The following RALGAPB variants were observed in gnomAD, a reference collection of about 807,000 sequenced individuals.
The protein encoded by RALGAPB is Ral GTPase activating protein non-catalytic subunit beta.
RALGAPB carries 25 observed loss-of-function variants against 161.1 expected under a neutral mutation model. The observed-to-expected ratio is 0.16, with a 90% CI of 0.11 to 0.22. The LOEUF (loss-of-function observed/expected upper bound fraction) is 0.22. RALGAPB is among the 10% of genes least tolerant of loss of function. The pLI is 1.00. For synonymous variants in RALGAPB, 629 were observed against 626.1 expected (o/e 1.00, Z -0.07); for missense variants, 1,391 against 1,815.2 (o/e 0.77, Z 4.25).
In RALGAPB at chr20:38,484,647, A is replaced by T. The variant is rs1414296409; in HGVS notation, c.-30-3756A>T. ...TCTGTGTCTCTTCAAAAATTGGATT[A>T]TCTGGCAAGTCTAGGTCTGCATTCC... On this transcript the variant is annotated intron_variant, in intron 1 of 29. Coordinates refer to ENST00000262879, the MANE Select transcript of RALGAPB (RefSeq NM_020336.4). Among the ~76,000 whole-genome samples the T allele has an allele frequency of 2.0e-5, 3 of 152,200 alleles. No individual in the cohort carries two copies. In the East Asian group the frequency reaches 5.8e-4, roughly 29 times the overall value.
Position 38,535,317 on chromosome 20 carries a change from A to G in RALGAPB, c.2379+110A>G, listed in dbSNP as rs1048722637. The G allele has an allele frequency of 8.5e-6, 11 of 1,287,120 alleles. No homozygotes were observed. The African/African-American group carries it at 1.6e-4, about 19-fold the overall frequency. 79.7% of individuals were successfully genotyped at this position (1,287,120 alleles called of 1,614,324 possible). On this transcript the variant is annotated intron_variant, in intron 16 of 29. Transcript: ENST00000262879. ...ATTTTAGTGTTGATCATGCTCAAAC[A>G]TAGTTTATATTATATCCAAAGTGTA...
rs367760748 is a variant in RALGAPB at position 38,513,510 on chromosome 20, A to C, written c.873-2682A>C. On this transcript the variant is annotated intron_variant, in intron 6 of 29. Coordinates refer to ENST00000262879, the MANE Select transcript of RALGAPB (RefSeq NM_020336.4). ...GGGGAAGCAAAAAACAAATTAGCTGAGTATAGTGGTGCACCTGTAATCCTA... is the reference window on the plus strand; with the variant it reads ...GGGGAAGCAAAAAACAAATTAGCTGCGTATAGTGGTGCACCTGTAATCCTA... Among the ~76,000 whole-genome samples the C allele has an allele frequency of 1.6e-3, 243 of 151,788 alleles. 2 individuals carry two copies. Among genetic ancestry groups the C allele is most frequent in the African/African-American group, 5.6e-3 (233 of 41,392 alleles).
At chr20:38,510,924 AAAG>A (rs1421309978) in intron 6 of RALGAPB, among the ~76,000 whole-genome samples, 1 of 120,040 alleles carries the variant, frequency 8.3e-6, no homozygotes, top group Non-Finnish European at 1.5e-5. Flanking sequence ...AAAAAAAAAA[AAAG>A]AAAATCTTTT....
chr20:38,548,571 C>G (rs1009313410), intron 19 of RALGAPB, 118 bp from the exon 20 acceptor site: 17 of 790,016 alleles, frequency 2.2e-5, no homozygotes, highest in Non-Finnish European at 3.0e-5. Flanking sequence ...CACAAAAGAT[C>G]AAAGCTTAGG....
Position 38,493,152 on chromosome 20 carries a change from C to A in RALGAPB, c.389+20C>A. 1 of 1,552,474 alleles carries A rather than the reference C, an allele frequency of 6.4e-7. No homozygotes were observed. Among genetic ancestry groups the A allele is most frequent in the Non-Finnish European group, 8.9e-7 (1 of 1,128,916 alleles). On this transcript the variant is annotated intron_variant, in intron 3 of 29. Transcript: ENST00000262879. ...ACCAAGGTAAGCTATACCTGTCTAT[C>A]TGGCCCATTATCAGGGTCATAGTAA...
At chr20:38,548,096 G>A (rs576423887) in intron 19 of RALGAPB, 1 of 152,230 alleles carries the variant, frequency 6.6e-6, no homozygotes, top group African/African-American at 2.4e-5. Context: ...CCATATCTGA[G>A]ACGGAAGAAT....
At chr20:38,487,894 C>T (rs545726816) in intron 1 of RALGAPB, among the ~76,000 whole-genome samples, 1 of 152,136 alleles carries the variant, frequency 6.6e-6, no homozygotes, top group South Asian at 2.1e-4. Context: ...TAGAGAAACC[C>T]TGCCTCTACT....
chr20:38,502,875 GGATT>G (rs1229168875), intron 5 of RALGAPB, among the ~76,000 whole-genome samples: 1 of 152,140 alleles, frequency 6.6e-6, no homozygotes, highest in African/African-American at 2.4e-5. Flanking sequence ...CAAAGTGCTG[GGATT>G]ACAGGCATGA....
intron 10 of RALGAPB, among the ~76,000 whole-genome samples, chr20:38,522,349 C>T (rs764822743): frequency 1.7e-4 from 26 of 152,162 alleles, no homozygotes; most frequent in Non-Finnish European, 2.9e-4. Flanking sequence ...TTGCTCAGGC[C>T]AGAAACGAAG....
chr20:38,479,947 C>T (rs559332587), intron 1 of RALGAPB, among the ~76,000 whole-genome samples: 3 of 151,828 alleles, frequency 2.0e-5, no homozygotes, highest in East Asian at 3.9e-4. Context: ...ATTTAGTTCC[C>T]GATGTGTCAT....
intron 7 of RALGAPB, 68 bp downstream of exon 7, chr20:38,516,438 G>A: frequency 7.4e-7 from 1 of 1,342,436 alleles, no homozygotes; most frequent in Non-Finnish European, 1.0e-6. Context: ...GCTAACCCTA[G>A]GAGTTATTAG....
intron 16 of RALGAPB, among the ~76,000 whole-genome samples, chr20:38,536,028 A>G (rs2086794830): frequency 6.6e-6 from 1 of 152,260 alleles, no homozygotes; most frequent in South Asian, 2.1e-4. Flanking sequence ...AAAAGCAAAC[A>G]ATTCAGTGAC....
At chr20:38,570,471 C>G (rs2088190292) in intron 27 of RALGAPB, among the ~76,000 whole-genome samples, 1 of 152,124 alleles carries the variant, frequency 6.6e-6, no homozygotes, top group African/African-American at 2.4e-5. Context: ...TATATACTTG[C>G]CTAAAATCCC....
chr20:38,485,948 A>G (rs1322072909), intron 1 of RALGAPB, among the ~76,000 whole-genome samples: 4 of 123,274 alleles, frequency 3.2e-5, no homozygotes, highest in Non-Finnish European at 5.3e-5. Context: ...CAGCTTTTTC[A>G]TTGTATCCTT....
chr20:38,562,651 C>G lies in RALGAPB; in HGVS notation c.3651C>G (p.Thr1217=), dbSNP rs367935261. The change falls in exon 24 of 30, where the codon ACC becomes ACG. Residue 1217 remains threonine, a synonymous_variant. Transcript: ENST00000262879. ...RHPGWTGHVS[T]SWSINCCDDG... ...CTGGTTGGACTGGGCATGTTTCTAC[C>G]AGTTGGTCTATTAATTGTTGTGATG... 5 of 1,613,564 alleles carry G rather than the reference C, an allele frequency of 3.1e-6. No individual in the cohort carries two copies. The highest frequency in any genetic ancestry group is 3.4e-6 in the Non-Finnish European group (4 of 1,179,792).
At chr20:38,485,451 G>A (rs1027331628) in intron 1 of RALGAPB, among the ~76,000 whole-genome samples, 1 of 151,882 alleles carries the variant, frequency 6.6e-6, no homozygotes, top group Non-Finnish European at 1.5e-5. Context: ...TTTTGAGATG[G>A]AGTCTTGCTC....
intron 3 of RALGAPB, among the ~76,000 whole-genome samples, chr20:38,494,231 G>A (rs2085352056): frequency 6.6e-6 from 1 of 152,170 alleles, no homozygotes; most frequent in South Asian, 2.1e-4. Flanking sequence ...TCTATTTTAG[G>A]CTTCCACAGT....
intron 20 of RALGAPB, among the ~76,000 whole-genome samples, chr20:38,550,284 T>TA (rs764965767): frequency 1.2e-4 from 18 of 152,284 alleles, no homozygotes; most frequent in Admixed American, 5.9e-4. Flanking sequence ...CCCTAAAACT[T>TA]AAAGTATCAT....
intron 25 of RALGAPB, among the ~76,000 whole-genome samples, chr20:38,566,840 G>T (rs375714018): frequency 2.0e-5 from 3 of 152,158 alleles, no homozygotes; most frequent in Non-Finnish European, 4.4e-5. Flanking sequence ...GCCAAATGCC[G>T]CCAAGAATGG....
Sources: allele counts gnomAD v4.1 joint callset (sites outside exome capture counted in the v4.1 genomes callset), GRCh38; gene constraint gnomAD v4.1.1; transcripts MANE v1.5; gene names NCBI Gene and HGNC (gene_info 2026-07-23, HGNC 2026-07-21).